SLX4IP: variants seen among roughly 807,000 people sequenced by gnomAD.
SLX4IP encodes the protein SLX4 interacting protein.
In SLX4IP, 34 loss-of-function variants were observed where a neutral mutation model predicts 32.9. The observed-to-expected ratio is 1.03, with a 90% CI of 0.79 to 1.38. The LOEUF is 1.38. Among genes scored for constraint, SLX4IP ranks in the 40% most tolerant of loss-of-function variants. The pLI is 0.00. For missense variants in SLX4IP, 444 were observed against 479.0 expected, an observed-to-expected ratio of 0.93 and a Z score of 0.68; for synonymous variants, 172 against 171.7, an observed-to-expected ratio of 1.00 and a Z score of -0.01.
intron 2 of SLX4IP, among the ~76,000 whole-genome samples, chr20:10,519,023 A>C (rs1168409347): frequency 1.3e-5 from 2 of 152,138 alleles, no homozygotes; most frequent in Non-Finnish European, 2.9e-5. Context: ...TGCATTGGAG[A>C]TGCTTTATGA....
intron 2 of SLX4IP, among the ~76,000 whole-genome samples, chr20:10,464,739 C>T (rs190856104): frequency 3.3e-5 from 5 of 152,232 alleles, no homozygotes; most frequent in South Asian, 2.1e-4. Context: ...TTCATGCAAA[C>T]GACTTACCCA....
chr20:10,446,778 T>C (rs1805328228), intron 1 of SLX4IP, among the ~76,000 whole-genome samples: 1 of 152,242 alleles, frequency 6.6e-6, no homozygotes, highest in Admixed American at 6.5e-5. Flanking sequence ...TGGTGAGATA[T>C]CTGTTTGTCA....
chr20:10,446,640 A>G (rs2065204888), intron 1 of SLX4IP, among the ~76,000 whole-genome samples: 1 of 151,902 alleles, frequency 6.6e-6, no homozygotes, highest in South Asian at 2.1e-4. Context: ...ATTTGGTGTT[A>G]TTGTTTTTTA....
At position 10,622,872 on chromosome 20, in the gene SLX4IP, G is replaced by A; in HGVS notation, c.720G>A (p.Leu240=). 1.2e-6 allele frequency: 2 copies of A among 1,614,026 alleles called. No homozygotes were observed. The highest frequency in any genetic ancestry group is 3.3e-4 in the Middle Eastern group (2 of 6,060). The change falls in exon 8 of 8, where the codon CTG becomes CTA. Residue 240 remains leucine, a synonymous_variant. Coordinates refer to ENST00000334534, the MANE Select transcript of SLX4IP (RefSeq NM_001009608.3). ...ACTGGGGGCTTCCTGTTCAAAAGCT[G>A]GAAAAAGTTAATCAGACCCAGCCAG... ...ESHWGLPVQK[L]EKVNQTQPED...
intron 2 of SLX4IP, among the ~76,000 whole-genome samples, chr20:10,496,351 A>G (rs2065667468): frequency 6.6e-6 from 1 of 152,074 alleles, no homozygotes; most frequent in Non-Finnish European, 1.5e-5. Flanking sequence ...TCTTCTGCTT[A>G]ATTCATCATA....
At chr20:10,526,290 T>A (rs547162506) in intron 2 of SLX4IP, among the ~76,000 whole-genome samples, 1 of 152,338 alleles carries the variant, frequency 6.6e-6, no homozygotes, top group South Asian at 2.1e-4. Context: ...TCATGCTCTT[T>A]CTCAATTATA....
At chr20:10,527,508 T>C (rs1457938973) in intron 2 of SLX4IP, among the ~76,000 whole-genome samples, 1 of 152,220 alleles carries the variant, frequency 6.6e-6, no homozygotes, top group Non-Finnish European at 1.5e-5. Context: ...CTTTACTTCT[T>C]TCTGTAAAAA....
chr20:10,464,899 C>T (rs2065367138), intron 2 of SLX4IP, among the ~76,000 whole-genome samples: 1 of 152,090 alleles, frequency 6.6e-6, no homozygotes. Flanking sequence ...AAACTGTCCT[C>T]CCGACTTGGC....
intron 2 of SLX4IP, among the ~76,000 whole-genome samples, chr20:10,535,074 C>T (rs1343027154): frequency 6.6e-6 from 1 of 152,058 alleles, no homozygotes; most frequent in African/African-American, 2.4e-5. Flanking sequence ...ATGGCATGAT[C>T]GCTCTGGCAA....
intron 2 of SLX4IP, among the ~76,000 whole-genome samples, chr20:10,479,352 CTTTTTTT>C (rs764474218): frequency 2.7e-5 from 2 of 73,724 alleles, no homozygotes; most frequent in Admixed American, 1.3e-4. Flanking sequence ...TTCCATATTT[CTTTTTTT>C]TTTTTTTTTT....
intron 1 of SLX4IP, among the ~76,000 whole-genome samples, chr20:10,436,515 C>G (rs1280046952): frequency 6.6e-6 from 1 of 152,102 alleles, no homozygotes; most frequent in African/African-American, 2.4e-5. Context: ...CGCCACCACC[C>G]CCGGCTAATT....
rs57267319 is a variant in SLX4IP, at chr20:10,586,868, C to G, written c.239-11807C>G. Among the ~76,000 whole-genome samples the G allele has an allele frequency of 0.014, 2,039 of 150,934 alleles. 164 individuals are homozygous for G. In the East Asian group the frequency reaches 0.23, roughly 17 times the overall value. On this transcript the variant is annotated intron_variant, in intron 4 of 7. Transcript: ENST00000334534. ...ATGTGAGCTAAGAATAAATATAAAC[C>G]CTGAATAGATTATTAAAGAATTTAA...
At chr20:10,592,625 T>A (rs2066723486) in intron 4 of SLX4IP, among the ~76,000 whole-genome samples, 3 of 55,942 alleles carry the variant, frequency 5.4e-5, no homozygotes. Context: ...TCTTCATCTT[T>A]TTTTTTTTTT....
chr20:10,472,525 C>T (rs557535136), intron 2 of SLX4IP, among the ~76,000 whole-genome samples: 12 of 152,228 alleles, frequency 7.9e-5, no homozygotes, highest in African/African-American at 2.2e-4. Context: ...CCACCATGCC[C>T]GGCCTGGTAA....
intron 6 of SLX4IP, among the ~76,000 whole-genome samples, chr20:10,608,045 A>G (rs1360337351): frequency 6.6e-6 from 1 of 152,194 alleles, no homozygotes; most frequent in Non-Finnish European, 1.5e-5. Context: ...AATAGGATGT[A>G]TCTCCATCCC....
intron 2 of SLX4IP, among the ~76,000 whole-genome samples, chr20:10,549,372 AATGGAATCAGAC>A (rs1374613606): frequency 6.6e-6 from 1 of 151,926 alleles, no homozygotes; most frequent in Non-Finnish European, 1.5e-5. Context: ...TCTGTGTTGG[AATGGAATCAGAC>A]ATGGAATCAG....
chr20:10,490,222 G>A (rs1274676334), intron 2 of SLX4IP, among the ~76,000 whole-genome samples: 1 of 151,504 alleles, frequency 6.6e-6, no homozygotes, highest in East Asian at 1.9e-4. Context: ...ACTAACTTTG[G>A]ATAAGTCCAT....
chr20:10,578,314 T>C (rs1164713154), intron 4 of SLX4IP, among the ~76,000 whole-genome samples: 1 of 152,252 alleles, frequency 6.6e-6, no homozygotes, highest in African/African-American at 2.4e-5. Flanking sequence ...GGACATTTCA[T>C]ACAAATAGAG....
At chr20:10,595,662 T>C (rs989892639) in intron 4 of SLX4IP, among the ~76,000 whole-genome samples, 3 of 152,222 alleles carry the variant, frequency 2.0e-5, no homozygotes, top group African/African-American at 7.2e-5. Flanking sequence ...GCCTTTTGTC[T>C]ATGAATAAAT....
Sources: allele counts gnomAD v4.1 joint callset (sites outside exome capture counted in the v4.1 genomes callset), GRCh38; gene constraint gnomAD v4.1.1; transcripts MANE v1.5; gene names NCBI Gene and HGNC (gene_info 2026-07-23, HGNC 2026-07-21).